SLC8A3: variants seen among roughly 807,000 people sequenced by gnomAD.
SLC8A3 encodes sodium/calcium exchanger 3.
SLC8A3 carries 37 observed loss-of-function variants against 65.4 expected under a neutral mutation model. The ratio of observed to expected loss-of-function variants is 0.57; its 90% CI spans 0.44 to 0.74. The LOEUF is 0.74. Among genes scored for constraint, SLC8A3 ranks in the 30% least tolerant of loss-of-function variants. The pLI, the probability that SLC8A3 is intolerant of heterozygous loss-of-function variation, is 0.00. For synonymous variants in SLC8A3, 461 were observed against 444.5 expected (o/e 1.04, Z -0.47); for missense variants, 1,112 against 1,172.1 (o/e 0.95, Z 0.75).
intron 2 of SLC8A3, among the ~76,000 whole-genome samples, chr14:70,093,306 T>A (rs1022022662): frequency 6.6e-6 from 1 of 152,210 alleles, no homozygotes; most frequent in African/African-American, 2.4e-5. Context: ...TTAGATGACT[T>A]GGTTGTCCAG....
Position 70,181,465 on chromosome 14 carries a change from CAA to C in SLC8A3, c.-63+6912_-63+6913del, listed in dbSNP as rs11306400. On this transcript the variant is annotated intron_variant, in intron 1 of 6. Coordinates refer to ENST00000356921, the MANE Select transcript of SLC8A3 (RefSeq NM_182932.3). ...TCCAGGAGGGATGGTAAGCCACACG[CAA>C]AAAAAAAAAAAAAAGTGCATTTCAG... Among the ~76,000 whole-genome samples, 364 of 127,732 alleles carry C rather than the reference CAA, an allele frequency of 2.8e-3. 1 individual carries two copies. Among genetic ancestry groups the C allele is most frequent in the Admixed American group, 7.5e-3 (96 of 12,880 alleles). 83.8% of individuals were successfully genotyped at this position (127,732 alleles called of 152,430 possible). A position where few individuals can be genotyped will look rare whatever the true frequency, so the allele number is the denominator to read the frequency against.
chr14:70,099,454 G>C lies in SLC8A3; in HGVS notation c.1785-38515C>G, dbSNP rs561087170. Among the ~76,000 whole-genome samples, 4 of 152,296 alleles carry C rather than the reference G, an allele frequency of 2.6e-5. No homozygotes were observed. The East Asian group carries it at 7.7e-4, about 29-fold the overall frequency. On this transcript the variant is annotated intron_variant, in intron 2 of 6. Coordinates refer to ENST00000356921, the MANE Select transcript of SLC8A3 (RefSeq NM_182932.3). ...AGTTGCAAATCGCAGCTCCTTCATG[G>C]ACTAGCATAATGACTGTAAAGAATT...
intron 3 of SLC8A3, among the ~76,000 whole-genome samples, chr14:70,059,703 T>A (rs145313682): frequency 2.0e-5 from 3 of 152,280 alleles, no homozygotes; most frequent in Non-Finnish European, 4.4e-5. Flanking sequence ...ATGAGGGCTA[T>A]CTTGGGATCT....
At chr14:70,071,747 GC>G (rs1241065654) in intron 2 of SLC8A3, among the ~76,000 whole-genome samples, 1 of 152,208 alleles carries the variant, frequency 6.6e-6, no homozygotes, top group African/African-American at 2.4e-5. Context: ...AATGGGTATT[GC>G]TTTAAGCCTC....
At chr14:70,087,984 G>C (rs915603667) in intron 2 of SLC8A3, among the ~76,000 whole-genome samples, 1 of 152,148 alleles carries the variant, frequency 6.6e-6, no homozygotes. Flanking sequence ...TATAGAACAG[G>C]TGCTACAGGA....
At chr14:70,047,164 G>A (rs1325601400) in intron 6 of SLC8A3, 1 of 152,150 alleles carries the variant, frequency 6.6e-6, no homozygotes, top group South Asian at 2.1e-4. Flanking sequence ...CCTTCTTAAA[G>A]CCTCAAATGT....
chr14:70,104,788 T>C (rs1370764749), intron 2 of SLC8A3, among the ~76,000 whole-genome samples: 1 of 152,120 alleles, frequency 6.6e-6, no homozygotes, highest in Non-Finnish European at 1.5e-5. Flanking sequence ...ATTTGTGAGA[T>C]ACAGCTAAGG....
At chr14:70,176,688 C>G (rs560677269) in intron 1 of SLC8A3, among the ~76,000 whole-genome samples, 1 of 152,338 alleles carries the variant, frequency 6.6e-6, no homozygotes, top group East Asian at 1.9e-4. Flanking sequence ...GTCTCATTTC[C>G]TTTCATACCT....
At chr14:70,083,997 A>G (rs1174026296) in intron 2 of SLC8A3, among the ~76,000 whole-genome samples, 4 of 152,240 alleles carry the variant, frequency 2.6e-5, no homozygotes, top group Non-Finnish European at 5.9e-5. Context: ...TGTTTGAGTC[A>G]TGACTGACCA....
intron 2 of SLC8A3, among the ~76,000 whole-genome samples, chr14:70,070,364 G>A (rs938458867): frequency 3.3e-5 from 5 of 152,112 alleles, no homozygotes; most frequent in Non-Finnish European, 7.3e-5. Context: ...TAACCTATGA[G>A]GTAGGTGCTA....
At chr14:70,110,659 G>A (rs1752340881) in intron 2 of SLC8A3, among the ~76,000 whole-genome samples, 1 of 148,358 alleles carries the variant, frequency 6.7e-6, no homozygotes, top group Admixed American at 6.9e-5. Flanking sequence ...ACATGAGAGT[G>A]CAGATACCTC....
intron 1 of SLC8A3, among the ~76,000 whole-genome samples, chr14:70,169,135 C>T (rs1897337507): frequency 6.6e-6 from 1 of 152,164 alleles, no homozygotes; most frequent in Non-Finnish European, 1.5e-5. Context: ...TAGATCTCAT[C>T]CATTAAACAG....
At chr14:70,107,307 G>A (rs1326359976) in intron 2 of SLC8A3, among the ~76,000 whole-genome samples, 1 of 152,020 alleles carries the variant, frequency 6.6e-6, no homozygotes, top group Non-Finnish European at 1.5e-5. Flanking sequence ...GTGAAACCAG[G>A]CTCCTTATAC....
chr14:70,107,969 ATCTT>A (rs1892991093), intron 2 of SLC8A3, among the ~76,000 whole-genome samples: 1 of 151,964 alleles, frequency 6.6e-6, no homozygotes, highest in Non-Finnish European at 1.5e-5. Context: ...TTTGCCCTTC[ATCTT>A]TCTTCTCTTG....
chr14:70,124,103 C>T lies in SLC8A3; in HGVS notation c.1784+42536G>A, dbSNP rs1231958660. Among the ~76,000 whole-genome samples the T allele has an allele frequency of 3.9e-5, 6 of 152,146 alleles. No homozygotes were observed. In the East Asian group the frequency reaches 1.2e-3, roughly 29 times the overall value. On this transcript the variant is annotated intron_variant, in intron 2 of 6. Coordinates refer to ENST00000356921, the MANE Select transcript of SLC8A3 (RefSeq NM_182932.3). ...ATAAGACTATGGATATAAACACCCCCATTTTACAGAAGAGACCACTGAGAC... is the reference window on the plus strand; with the variant it reads ...ATAAGACTATGGATATAAACACCCCTATTTTACAGAAGAGACCACTGAGAC...
At position 70,134,666 on chromosome 14, in the gene SLC8A3, G is replaced by A. The variant is rs118142559; in HGVS notation, c.1784+31973C>T. 6.1e-3 allele frequency among the ~76,000 whole-genome samples: 928 copies of A among 152,176 alleles called. 5 individuals are homozygous for A. Among genetic ancestry groups the A allele is most frequent in the African/African-American group, 0.018 (743 of 41,512 alleles). On this transcript the variant is annotated intron_variant, in intron 2 of 6. Coordinates refer to ENST00000356921, the MANE Select transcript of SLC8A3 (RefSeq NM_182932.3). Reference sequence around the variant, plus strand: ...ATCACCTCTCACCTGGATTTTCTTAGCATTTTCTTAGTCCTTTATTAGTCT... The same window carrying A: ...ATCACCTCTCACCTGGATTTTCTTAACATTTTCTTAGTCCTTTATTAGTCT...
chr14:70,139,796 G>C (rs557271423), intron 2 of SLC8A3, among the ~76,000 whole-genome samples: 1 of 152,308 alleles, frequency 6.6e-6, no homozygotes, highest in East Asian at 1.9e-4. Context: ...TTGCCCCTTT[G>C]AGAGGGTCTA....
rs114705032 is a variant in SLC8A3 at position 70,174,839 on chromosome 14, A to G, written c.-62-6355T>C. Among the ~76,000 whole-genome samples the G allele has an allele frequency of 7.4e-3, 1,130 of 152,180 alleles. 16 individuals carry two copies. The highest frequency in any genetic ancestry group is 0.026 in the African/African-American group (1,096 of 41,518). ...TTACAACTATGTCTTGGAAAGTAAT[A>G]TGATTTTCTTCTGCTGCTCTAAGCG... On this transcript the variant is annotated intron_variant, in intron 1 of 6. Transcript: ENST00000356921.
rs1030012970 is a variant in SLC8A3, at chr14:70,188,253, ATAACT to A, written c.-63+121_-63+125del. On this transcript the variant is annotated intron_variant, in intron 1 of 6. Coordinates refer to ENST00000356921, the MANE Select transcript of SLC8A3 (RefSeq NM_182932.3). The stretch of plus-strand genomic sequence containing the variant: ...CGGTTCATATGAATGATCTTGAGAA[ATAACT>A]TAACCCCGTTACTCACAATCAGGGA... 3.3e-5 allele frequency: 5 copies of A among 152,440 alleles called. No homozygotes were observed. In the East Asian group the frequency reaches 9.6e-4, roughly 29 times the overall value. 9.4% of individuals were successfully genotyped at this position (152,440 alleles called of 1,614,324 possible). A position where few individuals can be genotyped will look rare whatever the true frequency, so the allele number is the denominator to read the frequency against.
Sources: allele counts gnomAD v4.1 joint callset (sites outside exome capture counted in the v4.1 genomes callset), GRCh38; gene constraint gnomAD v4.1.1; transcripts MANE v1.5; gene names NCBI Gene and HGNC (gene_info 2026-07-23, HGNC 2026-07-21).